The following MLIP variants were observed in gnomAD, a reference collection of about 807,000 sequenced individuals.
The protein encoded by MLIP is muscular LMNA-interacting protein.
MLIP carries 79 observed loss-of-function variants against 84.8 expected under a neutral mutation model. The ratio of observed to expected loss-of-function variants is 0.93; its 90% confidence interval spans 0.78 to 1.12. MLIP has a LOEUF of 1.12. Among genes scored for constraint, MLIP ranks in the 50% most tolerant of loss-of-function variants. The probability of loss-of-function intolerance (pLI) is 0.00; values close to 1 mark genes in which losing one functional copy is unlikely to be tolerated. For missense variants in MLIP, 1,257 were observed against 1,160.6 expected, an observed-to-expected ratio of 1.08 and a Z score of -1.21; for synonymous variants, 504 against 463.0, an observed-to-expected ratio of 1.09 and a Z score of -1.14.
chr6:54,099,248 C>T (rs1208100636), intron 1 of MLIP, among the ~76,000 whole-genome samples: 3 of 152,036 alleles, frequency 2.0e-5, no homozygotes. Context: ...AAATTTACTG[C>T]ATTTTTACCG....
intron 9 of MLIP, among the ~76,000 whole-genome samples, chr6:54,171,656 AAC>A: frequency 6.6e-6 from 1 of 151,656 alleles, no homozygotes; most frequent in East Asian, 1.9e-4. Flanking sequence ...GTCTTAAATG[AAC>A]AAGAGCTTAT....
intron 1 of MLIP, among the ~76,000 whole-genome samples, chr6:54,097,424 A>C (rs1157741887): frequency 1.3e-5 from 2 of 152,206 alleles, no homozygotes; most frequent in East Asian, 3.9e-4. Flanking sequence ...CATACGTACT[A>C]GTAAAGGAGG....
intron 10 of MLIP, among the ~76,000 whole-genome samples, chr6:54,199,362 C>A (rs1283470241): frequency 2.0e-5 from 3 of 151,884 alleles, no homozygotes; most frequent in African/African-American, 7.3e-5. Context: ...TTTAAAACTC[C>A]CAAAGAATTT....
intron 12 of MLIP, among the ~76,000 whole-genome samples, chr6:54,247,675 A>T (rs1031371829): frequency 2.0e-5 from 3 of 152,154 alleles, no homozygotes. Context: ...TGCCAGGAAG[A>T]TGGGTCTGGC....
chr6:54,248,950 A>G (rs1243025333), intron 12 of MLIP, among the ~76,000 whole-genome samples: 1 of 152,126 alleles, frequency 6.6e-6, no homozygotes, highest in African/African-American at 2.4e-5. Context: ...ACACAAAAGA[A>G]TGTAGTGAAA....
intron 13 of MLIP, among the ~76,000 whole-genome samples, chr6:54,259,667 A>G (rs752797677): frequency 1.8e-4 from 27 of 151,936 alleles, no homozygotes; most frequent in Non-Finnish European, 3.7e-4. Context: ...GGTTTGGAAT[A>G]TACGAAAAAT....
At chr6:54,070,388 G>T (rs1766414162) in intron 1 of MLIP, among the ~76,000 whole-genome samples, 1 of 152,084 alleles carries the variant, frequency 6.6e-6, no homozygotes, top group Admixed American at 6.6e-5. Flanking sequence ...AGTGCTTTAA[G>T]CATGGATTCT....
At chr6:54,055,643 G>A (rs1765619956) in intron 1 of MLIP, among the ~76,000 whole-genome samples, 1 of 151,892 alleles carries the variant, frequency 6.6e-6, no homozygotes, top group African/African-American at 2.4e-5. Context: ...TGAGTGAGGG[G>A]AAAGAGACAA....
At chr6:54,233,600 C>T (rs1021429005) in intron 12 of MLIP, among the ~76,000 whole-genome samples, 2 of 152,076 alleles carry the variant, frequency 1.3e-5, no homozygotes, top group Non-Finnish European at 1.5e-5. Flanking sequence ...TGGGTTGGTT[C>T]CAAGTCTTTG....
intron 9 of MLIP, among the ~76,000 whole-genome samples, chr6:54,189,410 A>C (rs908078811): frequency 6.6e-6 from 1 of 152,212 alleles, no homozygotes; most frequent in African/African-American, 2.4e-5. Context: ...TCAAATCATA[A>C]AAACTTTGTT....
intron 1 of MLIP, among the ~76,000 whole-genome samples, chr6:54,105,765 G>C (rs1023793503): frequency 6.6e-6 from 1 of 152,116 alleles, no homozygotes; most frequent in African/African-American, 2.4e-5. Flanking sequence ...GGAAATGAAG[G>C]CATGGTAACC....
chr6:54,152,941 T>C (rs1212990375), intron 5 of MLIP, among the ~76,000 whole-genome samples: 1 of 152,144 alleles, frequency 6.6e-6, no homozygotes, highest in Non-Finnish European at 1.5e-5. Context: ...TATTTTTCCA[T>C]GAAAATATAA....
chr6:54,210,776 A>C (rs1366525745), intron 11 of MLIP, among the ~76,000 whole-genome samples: 1 of 151,452 alleles, frequency 6.6e-6, no homozygotes, highest in Non-Finnish European at 1.5e-5. Context: ...GGGCATCCTA[A>C]GTGGAATTTA....
At chr6:54,249,778 C>T (rs143074923) in intron 12 of MLIP, among the ~76,000 whole-genome samples, 1,544 of 151,662 alleles carry the variant, frequency 0.01, 32 homozygotes, top group African/African-American at 0.034. Context: ...CATGTATACA[C>T]GTGTGTGTAT....
chr6:54,078,993 A>G (rs1317833470), intron 1 of MLIP, among the ~76,000 whole-genome samples: 1 of 152,184 alleles, frequency 6.6e-6, no homozygotes, highest in African/African-American at 2.4e-5. Flanking sequence ...GCCCGGCCCA[A>G]GAAATAATTT....
intron 11 of MLIP, among the ~76,000 whole-genome samples, chr6:54,206,458 T>C (rs899849784): frequency 1.3e-5 from 2 of 152,148 alleles, no homozygotes; most frequent in Admixed American, 6.5e-5. Context: ...TTCCAGCATG[T>C]ATGCCTCTTA....
At chr6:54,021,107 A>G (rs1004146269) in intron 1 of MLIP, among the ~76,000 whole-genome samples, 2 of 152,238 alleles carry the variant, frequency 1.3e-5, no homozygotes, top group Admixed American at 6.5e-5. Context: ...AATATCCAAA[A>G]ACTTCAGTTC....
At chr6:54,108,585 T>C (rs1197142322), upstream of MLIP, among the ~76,000 whole-genome samples, 1 of 152,196 alleles carries the variant, frequency 6.6e-6, no homozygotes, top group African/African-American at 2.4e-5. Context: ...ACTTCTAGTA[T>C]TATAAGAAAT....
chr6:54,256,833 T>C (rs1783037864), intron 12 of MLIP, among the ~76,000 whole-genome samples: 1 of 152,164 alleles, frequency 6.6e-6, no homozygotes, highest in Admixed American at 6.6e-5. Flanking sequence ...TAAAGCACAA[T>C]ATTTTACATT....
Sources: gnomAD v4.1 joint callset for allele counts (sites outside exome capture counted in the v4.1 genomes callset) on GRCh38, gnomAD v4.1.1 for gene constraint, MANE v1.5 for transcripts, NCBI Gene and HGNC (gene_info 2026-07-23, HGNC 2026-07-21) for gene names.